Variants in GABRB2 observed in about 807,000 individuals in gnomAD.
GABRB2 encodes gamma-aminobutyric acid receptor subunit beta-2.
A neutral mutation model predicts 54.7 loss-of-function variants in GABRB2; 16 were observed. The observed-to-expected ratio is 0.29, with a 90% CI of 0.20 to 0.44. GABRB2 has a LOEUF of 0.44. Ranked by LOEUF, GABRB2 falls within the 20% of genes least tolerant of loss-of-function variation. The probability of loss-of-function intolerance (pLI) is 1.00; values close to 1 mark genes in which losing one functional copy is unlikely to be tolerated. For missense variants in GABRB2, 355 were observed against 644.0 expected (o/e 0.55, Z 4.86); for synonymous variants, 244 against 233.8 (o/e 1.04, Z -0.40).
At chr5:161,413,748 C>G (rs575535905) in intron 4 of GABRB2, among the ~76,000 whole-genome samples, 1 of 152,168 alleles carries the variant, frequency 6.6e-6, no homozygotes, top group East Asian at 1.9e-4. Context: ...TTAACCTCAT[C>G]TGATAGAATG....
At chr5:161,325,870 T>C (rs1758346319) in intron 9 of GABRB2, among the ~76,000 whole-genome samples, 1 of 152,094 alleles carries the variant, frequency 6.6e-6, no homozygotes, top group Non-Finnish European at 1.5e-5. Context: ...GCCAATACAA[T>C]ACCTATTTGT....
Position 161,394,746 on chromosome 5 carries a change from G to A in GABRB2, c.541+16229C>T, listed in dbSNP as rs1040118861. Among the ~76,000 whole-genome samples the A allele has an allele frequency of 4.6e-5, 7 of 151,988 alleles. 1 individual carries two copies. Among genetic ancestry groups the A allele is most frequent in the Admixed American group, 2.0e-4 (3 of 15,250 alleles). ...TCAAAAGAAAACTTCAGGCCCAGAT[G>A]ACTTTAGTTGGAAATCTATCAAACA... On this transcript the variant is annotated intron_variant, in intron 5 of 9. Coordinates refer to ENST00000393959, the MANE Select transcript of GABRB2 (RefSeq NM_001371727.1).
At chr5:161,430,554 G>A (rs1297420469) in intron 4 of GABRB2, among the ~76,000 whole-genome samples, 2 of 152,076 alleles carry the variant, frequency 1.3e-5, no homozygotes, top group Non-Finnish European at 2.9e-5. Flanking sequence ...TCTTTAAAAT[G>A]GAAATAATGA....
intron 9 of GABRB2, among the ~76,000 whole-genome samples, chr5:161,306,938 A>G (rs1018113440): frequency 6.6e-6 from 1 of 152,190 alleles, no homozygotes; most frequent in East Asian, 1.9e-4. Flanking sequence ...GGGGAGTGTG[A>G]TTATGGAACA....
At chr5:161,440,915 T>A (rs1757450654) in intron 4 of GABRB2, among the ~76,000 whole-genome samples, 1 of 152,150 alleles carries the variant, frequency 6.6e-6, no homozygotes, top group Non-Finnish European at 1.5e-5. Context: ...TGTATATGCA[T>A]AAGCAAAATA....
intron 5 of GABRB2, among the ~76,000 whole-genome samples, chr5:161,380,330 CCT>C: frequency 6.6e-6 from 1 of 152,216 alleles, no homozygotes; most frequent in Non-Finnish European, 1.5e-5. Flanking sequence ...TGAATTGTCA[CCT>C]AGGCCCTGGA....
chr5:161,507,499 G>A (rs552318580), intron 3 of GABRB2, among the ~76,000 whole-genome samples: 1 of 152,092 alleles, frequency 6.6e-6, no homozygotes, highest in South Asian at 2.1e-4. Context: ...AAGGATAAAA[G>A]GCTGTTATGA....
chr5:161,428,942 A>G (rs1158322666), intron 4 of GABRB2, among the ~76,000 whole-genome samples: 1 of 152,180 alleles, frequency 6.6e-6, no homozygotes, highest in African/African-American at 2.4e-5. Context: ...TTTGGCATGG[A>G]AAAAGCATTT....
chr5:161,487,865 G>A (rs1758975552), intron 3 of GABRB2, among the ~76,000 whole-genome samples: 1 of 151,892 alleles, frequency 6.6e-6, no homozygotes, highest in Non-Finnish European at 1.5e-5. Context: ...CTTACAATTT[G>A]TACTTTTACT....
chr5:161,522,508 T>A (rs1433731985), intron 3 of GABRB2, among the ~76,000 whole-genome samples: 1 of 151,784 alleles, frequency 6.6e-6, no homozygotes, highest in Non-Finnish European at 1.5e-5. Context: ...CAGCTCTTTT[T>A]CTAGCCTAAT....
intron 3 of GABRB2, among the ~76,000 whole-genome samples, chr5:161,525,181 A>C (rs969481757): frequency 6.6e-6 from 1 of 151,208 alleles, no homozygotes; most frequent in African/African-American, 2.4e-5. Context: ...TGCCCTAATA[A>C]AAATTTATTC....
At chr5:161,337,272 T>C (rs1023425394) in intron 5 of GABRB2, among the ~76,000 whole-genome samples, 2 of 152,188 alleles carry the variant, frequency 1.3e-5, no homozygotes, top group Non-Finnish European at 2.9e-5. Context: ...ATAAAATATA[T>C]GAATTACAAT....
intron 5 of GABRB2, among the ~76,000 whole-genome samples, chr5:161,339,158 C>G (rs11960439): frequency 0.024 from 3,662 of 152,124 alleles, 149 homozygotes; most frequent in African/African-American, 0.082. Flanking sequence ...TAGAACTGAA[C>G]TAAGTACTCA....
At chr5:161,526,414 C>T (rs754409967) in intron 3 of GABRB2, among the ~76,000 whole-genome samples, 26 of 151,536 alleles carry the variant, frequency 1.7e-4, no homozygotes, top group Admixed American at 3.9e-4. Context: ...CTATCACACA[C>T]ATTGTGTCAG....
intron 9 of GABRB2, among the ~76,000 whole-genome samples, chr5:161,297,627 GC>G (rs1193603587): frequency 3.9e-4 from 60 of 152,050 alleles, no homozygotes; most frequent in African/African-American, 1.4e-3. Context: ...CTTTTTTATG[GC>G]TGTATAGTAT....
At chr5:161,448,979 C>T (rs989212768) in intron 4 of GABRB2, among the ~76,000 whole-genome samples, 10 of 152,116 alleles carry the variant, frequency 6.6e-5, no homozygotes, top group Admixed American at 2.6e-4. Context: ...TGAATGATGA[C>T]TAAGACATCT....
At chr5:161,299,006 C>A (rs1215490933) in intron 9 of GABRB2, among the ~76,000 whole-genome samples, 1 of 152,136 alleles carries the variant, frequency 6.6e-6, no homozygotes, top group East Asian at 1.9e-4. Flanking sequence ...ATAATCCCTG[C>A]AGCATTCCAT....
At chr5:161,329,917 G>A (rs1453134316) in intron 8 of GABRB2, 1 of 152,190 alleles carries the variant, frequency 6.6e-6, no homozygotes, top group Non-Finnish European at 1.5e-5. Context: ...AGGAAGCCAG[G>A]TGAAGTTTAA....
intron 3 of GABRB2, among the ~76,000 whole-genome samples, chr5:161,535,465 C>A (rs1195023318): frequency 6.6e-6 from 1 of 151,828 alleles, no homozygotes; most frequent in Non-Finnish European, 1.5e-5. Flanking sequence ...AGAGTAAAAA[C>A]AACTATAACG....
Sources: allele counts gnomAD v4.1 joint callset (sites outside exome capture counted in the v4.1 genomes callset), GRCh38; gene constraint gnomAD v4.1.1; transcripts MANE v1.5; gene names NCBI Gene and HGNC (gene_info 2026-07-23, HGNC 2026-07-21).